The following ANK1 variants were observed in gnomAD, a reference collection of about 807,000 sequenced individuals.
The protein encoded by ANK1 is ankyrin-1.
Under a neutral mutation model 210.4 loss-of-function variants are expected in ANK1, and 51 were observed. The ratio of observed to expected loss-of-function variants is 0.24; its 90% confidence interval spans 0.19 to 0.31. ANK1 has a LOEUF of 0.31. Among genes scored for constraint, ANK1 ranks in the 10% least tolerant of loss-of-function variants. The pLI, the probability that ANK1 is intolerant of heterozygous loss-of-function variation, is 1.00. For synonymous variants in ANK1, 967 were observed against 1,025.9 expected, an observed-to-expected ratio of 0.94 and a Z score of 1.10; for missense variants, 2,051 against 2,504.4, an observed-to-expected ratio of 0.82 and a Z score of 3.86.
intron 35 of ANK1, among the ~76,000 whole-genome samples, chr8:41,687,589 T>G (rs113123544): frequency 6.6e-6 from 1 of 152,304 alleles, no homozygotes; most frequent in Non-Finnish European, 1.5e-5. Flanking sequence ...GGGAGACGGA[T>G]TTGAGGTTTC....
intron 1 of ANK1, among the ~76,000 whole-genome samples, chr8:41,886,417 A>G (rs1430135060): frequency 1.3e-5 from 2 of 152,248 alleles, no homozygotes; most frequent in African/African-American, 4.8e-5. Flanking sequence ...CAACTTGCTC[A>G]AAGCCAGCCA....
intron 1 of ANK1, among the ~76,000 whole-genome samples, chr8:41,777,588 A>T (rs983637878): frequency 2.6e-5 from 4 of 152,098 alleles, no homozygotes; most frequent in African/African-American, 7.2e-5. Context: ...TCTCAAAAAA[A>T]CAAAACAAAA....
intron 12 of ANK1, 69 bp downstream of exon 12, chr8:41,717,535 G>C: frequency 2.2e-6 from 3 of 1,355,894 alleles, no homozygotes; most frequent in East Asian, 2.5e-5. Context: ...AGGACTGGGA[G>C]CACTGGTGAA....
chr8:41,661,848 G>A, intron 41 of ANK1, 28 bp downstream of exon 41: 1 of 1,614,140 alleles, frequency 6.2e-7, no homozygotes, highest in Non-Finnish European at 8.5e-7. Flanking sequence ...AGCTCACTGG[G>A]ATCCTCCAGG....
intron 1 of ANK1, among the ~76,000 whole-genome samples, chr8:41,822,184 AAG>A (rs1160822085): frequency 1.3e-5 from 2 of 148,550 alleles, no homozygotes; most frequent in African/African-American, 5.1e-5. Context: ...GAAAGAAAGA[AAG>A]AAGGAAAGAA....
intron 1 of ANK1, among the ~76,000 whole-genome samples, chr8:41,792,327 G>A (rs1293944807): frequency 6.6e-6 from 1 of 152,172 alleles, no homozygotes; most frequent in Non-Finnish European, 1.5e-5. Flanking sequence ...AACCTCGTCC[G>A]GCAGGGGTGT....
At chr8:41,861,490 C>G (rs1433002195) in intron 1 of ANK1, among the ~76,000 whole-genome samples, 1 of 152,240 alleles carries the variant, frequency 6.6e-6, no homozygotes, top group African/African-American at 2.4e-5. Flanking sequence ...TTTGGTAGAA[C>G]CCCGTAGAAC....
At chr8:41,719,577 C>A in intron 10 of ANK1, 84 bp downstream of exon 10, 1 of 1,582,200 alleles carries the variant, frequency 6.3e-7, no homozygotes, top group Non-Finnish European at 8.7e-7. Flanking sequence ...TGCCGCCCTT[C>A]CCACAGGCCC....
chr8:41,849,381 G>A (rs565933766), intron 1 of ANK1, among the ~76,000 whole-genome samples: 9 of 152,170 alleles, frequency 5.9e-5, no homozygotes, highest in Non-Finnish European at 8.8e-5. Context: ...AAAATTAGCC[G>A]GGCATGGTGG....
chr8:41,747,952 G>A (rs1010977919), intron 2 of ANK1, among the ~76,000 whole-genome samples: 3 of 152,158 alleles, frequency 2.0e-5, no homozygotes, highest in East Asian at 1.9e-4. Context: ...GGCTTGCTGC[G>A]CAGTGTCAAA....
At chr8:41,841,111 T>A (rs912461877) in intron 1 of ANK1, among the ~76,000 whole-genome samples, 3 of 152,184 alleles carry the variant, frequency 2.0e-5, no homozygotes, top group Non-Finnish European at 4.4e-5. Flanking sequence ...CCACATTCAC[T>A]GCGGCAGTAT....
chr8:41,868,220 G>A (rs1814841677), intron 1 of ANK1, among the ~76,000 whole-genome samples: 1 of 152,218 alleles, frequency 6.6e-6, no homozygotes, highest in Non-Finnish European at 1.5e-5. Flanking sequence ...CTCAACCTCA[G>A]CACTATTGGG....
Position 41,688,521 on chromosome 8 carries a change from C to T in ANK1, c.4173G>A (p.Glu1391=). 6.2e-7 allele frequency: 1 copy of T among 1,614,168 alleles called. No individual in the cohort carries two copies. Among genetic ancestry groups the T allele is most frequent in the Non-Finnish European group, 8.5e-7 (1 of 1,179,986 alleles). ...PLALRYSILS[E]STPGSLSGTE... ...ACACAGAGGCCGTACCTGGTGTGGA[C>T]TCACTGAGAATGCTGTATCGCAGGG... The change falls in exon 34 of 43, where the codon GAG becomes GAA. Residue 1391 remains glutamate (E), a synonymous_variant. Coordinates refer to ENST00000289734, the MANE Select transcript of ANK1 (RefSeq NM_000037.4).
intron 1 of ANK1, among the ~76,000 whole-genome samples, chr8:41,895,905 C>T (rs551737717): frequency 2.0e-5 from 3 of 151,044 alleles, no homozygotes; most frequent in Non-Finnish European, 4.4e-5. Context: ...AGAGCTGCCC[C>T]CCCCCGGCCC....
intron 1 of ANK1, among the ~76,000 whole-genome samples, chr8:41,826,401 C>G (rs1198743707): frequency 6.6e-6 from 1 of 152,034 alleles, no homozygotes; most frequent in Non-Finnish European, 1.5e-5. Flanking sequence ...CATGCTCACT[C>G]CTGCTGCCCA....
chr8:41,725,844 G>A lies in ANK1; in HGVS notation c.529C>T (p.Leu177=), dbSNP rs139572670. The A allele has an allele frequency of 1.7e-5, 27 of 1,612,004 alleles. No homozygotes were observed. The African/African-American group carries it at 3.2e-4, about 19-fold the overall frequency. ...TCGTCGTTGCGGGCCGCGATGTGCAGGGCCGGGAGGCGCACCTTCCCCTTG... is the reference window on the plus strand; with the variant it reads ...TCGTCGTTGCGGGCCGCGATGTGCAAGGCCGGGAGGCGCACCTTCCCCTTG... ...GTKGKVRLPA[L]HIAARNDDTR... is the part of the protein sequence containing the mutation. The change falls in exon 6 of 43, where the codon CTG becomes TTG. Residue 177 remains leucine (L), a synonymous_variant. Coordinates refer to ENST00000289734, the MANE Select transcript of ANK1 (RefSeq NM_000037.4).
chr8:41,740,412 G>A (rs942176948), intron 2 of ANK1, among the ~76,000 whole-genome samples: 10 of 151,536 alleles, frequency 6.6e-5, no homozygotes, highest in African/African-American at 1.7e-4. Context: ...TACCCGTCTC[G>A]GCCTCCCAAA....
intron 2 of ANK1, among the ~76,000 whole-genome samples, chr8:41,741,893 C>G (rs1436997971): frequency 6.6e-6 from 1 of 152,184 alleles, no homozygotes; most frequent in African/African-American, 2.4e-5. Flanking sequence ...CCACATGGTC[C>G]TAACATAGGA....
At chr8:41,855,295 C>T (rs956740058) in intron 1 of ANK1, among the ~76,000 whole-genome samples, 7 of 152,196 alleles carry the variant, frequency 4.6e-5, no homozygotes, top group East Asian at 1.9e-4. Flanking sequence ...GCTAGAATTC[C>T]GGTGATCTCC....
Sources: allele counts gnomAD v4.1 joint callset (sites outside exome capture counted in the v4.1 genomes callset), GRCh38; gene constraint gnomAD v4.1.1; transcripts MANE v1.5; gene names NCBI Gene and HGNC (gene_info 2026-07-23, HGNC 2026-07-21).